Variants in ASB15 observed in about 807,000 individuals in gnomAD.
The protein encoded by ASB15 is ankyrin repeat and SOCS box protein 15.
ASB15 carries 54 observed loss-of-function variants against 58.0 expected under a neutral mutation model. That is an observed-to-expected ratio of 0.93 (90% CI 0.75 to 1.17). The LOEUF (loss-of-function observed/expected upper bound fraction) is 1.17, where lower values mean the gene tolerates loss of function less well. Ranked by LOEUF, ASB15 falls within the 50% of genes most tolerant of loss-of-function variation. ASB15 has a pLI of 0.00. For missense variants in ASB15, 680 were observed against 707.4 expected (o/e 0.96, Z 0.44); for synonymous variants, 249 against 262.4 (o/e 0.95, Z 0.50).
intron 2 of ASB15, among the ~76,000 whole-genome samples, chr7:123,605,455 A>G (rs1800100675): frequency 6.6e-6 from 1 of 152,214 alleles, no homozygotes; most frequent in African/African-American, 2.4e-5. Context: ...AAGAACTTAA[A>G]GCAGAATTAC....
chr7:123,632,600 T>G (rs1301315473), intron 11 of ASB15, among the ~76,000 whole-genome samples: 1 of 152,012 alleles, frequency 6.6e-6, no homozygotes, highest in African/African-American at 2.4e-5. Flanking sequence ...GACCCACCCT[T>G]CCCCCTGAGT....
intron 2 of ASB15, among the ~76,000 whole-genome samples, chr7:123,605,304 C>A (rs1800090956): frequency 6.6e-6 from 1 of 152,172 alleles, no homozygotes; most frequent in South Asian, 2.1e-4. Flanking sequence ...CCATCTCACA[C>A]ACCAGTCAGA....
At chr7:123,632,415 C>T (rs905798248) in intron 11 of ASB15, among the ~76,000 whole-genome samples, 3 of 152,062 alleles carry the variant, frequency 2.0e-5, no homozygotes, top group Middle Eastern at 3.4e-3. Context: ...CAAATATAAA[C>T]GAAGAAATAG....
intron 7 of ASB15, chr7:123,621,327 C>G (rs1363989164): frequency 6.6e-6 from 1 of 152,158 alleles, no homozygotes; most frequent in African/African-American, 2.4e-5. Context: ...AAGTTAATAT[C>G]CTGGAGGTGC....
intron 2 of ASB15, among the ~76,000 whole-genome samples, chr7:123,607,057 A>G (rs1800180034): frequency 1.3e-5 from 2 of 152,226 alleles, no homozygotes; most frequent in African/African-American, 2.4e-5. Flanking sequence ...TATACCCCCA[A>G]AAAAGATAAA....
rs1343565552 is a variant in ASB15 at position 123,630,096 on chromosome 7, G to A, written c.1571G>A (p.Trp524Ter). ...LKSALEVQRE[W>*]PEIRQILENP... ...TCTGCACTAGAAGTACAGAGAGAAT[G>A]GCCAGAAATCCGCCAAATACTAGGT... Residue 524 changes from tryptophan (W) to a stop codon, truncating the protein, a stop_gained, in exon 11 of 12, where the codon TGG (tryptophan) becomes TAG (stop). Coordinates refer to ENST00000451215, the MANE Select transcript of ASB15 (RefSeq NM_001290258.2). LOFTEE classifies it high-confidence loss of function. The A allele has an allele frequency of 6.3e-7, 1 of 1,594,142 alleles. No individual in the cohort carries two copies. The highest frequency in any genetic ancestry group is 8.6e-7 in the Non-Finnish European group (1 of 1,168,600).
At chr7:123,628,080 G>C (rs1435414802) in intron 9 of ASB15, among the ~76,000 whole-genome samples, 1 of 152,168 alleles carries the variant, frequency 6.6e-6, no homozygotes, top group Non-Finnish European at 1.5e-5. Context: ...TCTCATACAT[G>C]TCTGGCTGGT....
chr7:123,631,599 G>A (rs1305340740), intron 11 of ASB15, among the ~76,000 whole-genome samples: 1 of 152,036 alleles, frequency 6.6e-6, no homozygotes, highest in East Asian at 1.9e-4. Flanking sequence ...AATCGAGCAG[G>A]ACAGAAACAA....
At chr7:123,589,301 T>TTA (rs140586752) in intron 1 of ASB15, among the ~76,000 whole-genome samples, 4 of 147,476 alleles carry the variant, frequency 2.7e-5, no homozygotes, top group African/African-American at 7.4e-5. Context: ...CTTTCATCTC[T>TTA]TTATTATTAT....
chr7:123,576,766 T>C (rs1163305300), intron 1 of ASB15, among the ~76,000 whole-genome samples: 1 of 152,180 alleles, frequency 6.6e-6, no homozygotes, highest in African/African-American at 2.4e-5. Context: ...TTAGAAAGTA[T>C]ATTTTTGTGG....
At chr7:123,623,283 C>A (rs1238432875) in intron 7 of ASB15, 2 of 152,072 alleles carry the variant, frequency 1.3e-5, no homozygotes, top group Non-Finnish European at 2.9e-5. Context: ...TTTGTAGGGG[C>A]AGCACTCATC....
Position 123,613,507 on chromosome 7 carries a change from T to C in ASB15, c.-2-994T>C, listed in dbSNP as rs112631336. ...GAGTAAAATAGTAAATTCATTCTCC[T>C]AATTTGATATTTGGGATAAATAAGC... On this transcript the variant is annotated intron_variant, in intron 3 of 11. Coordinates refer to ENST00000451215, the MANE Select transcript of ASB15 (RefSeq NM_001290258.2). 1.4e-3 allele frequency among the ~76,000 whole-genome samples: 214 copies of C among 152,302 alleles called. 1 individual carries two copies. The highest frequency in any genetic ancestry group is 4.8e-3 in the African/African-American group (199 of 41,574).
At chr7:123,567,693 C>A (rs1490370597) in intron 1 of ASB15, among the ~76,000 whole-genome samples, 1 of 152,074 alleles carries the variant, frequency 6.6e-6, no homozygotes. Flanking sequence ...CTGGGGAGCT[C>A]ATTTCTGAAA....
Position 123,629,257 on chromosome 7 carries a change from C to T in ASB15, c.1263C>T (p.Val421=), listed in dbSNP as rs746692691. ...MHVNDTRFPS[V]IQYALNDEVM... is the part of the protein sequence containing the mutation. The stretch of plus-strand genomic sequence containing the variant: ...TGAATGACACTCGTTTCCCCAGTGT[C>T]ATTCAATATGCTCTAAACGACGAGG... Residue 421 remains valine, a synonymous_variant, in exon 10 of 12, where the codon GTC becomes GTT. Coordinates refer to ENST00000451215, the MANE Select transcript of ASB15 (RefSeq NM_001290258.2). The T allele has an allele frequency of 6.2e-7, 1 of 1,611,468 alleles. No individual in the cohort carries two copies. The highest frequency in any genetic ancestry group is 1.7e-5 in the Admixed American group (1 of 59,986).
intron 11 of ASB15, 102 bp from the exon 12 acceptor site, chr7:123,636,707 T>C: frequency 2.0e-6 from 2 of 1,006,966 alleles, no homozygotes; most frequent in Non-Finnish European, 3.0e-6. Context: ...TGCATACATG[T>C]TTTTGAGAAT....
rs755943388 is a variant in ASB15, at chr7:123,617,747, CT to C, written c.451+17del. ...ACCCCCCTTCTGATTGGTAAATGAC[CT>C]TTTTTTCTAGAACTTTTATAGTTTG... On this transcript the variant is annotated intron_variant, in intron 7 of 11. Coordinates refer to ENST00000451215, the MANE Select transcript of ASB15 (RefSeq NM_001290258.2). 1.0e-4 allele frequency: 160 copies of C among 1,594,912 alleles called. No individual in the cohort carries two copies. In the African/African-American group the frequency reaches 1.7e-3, roughly 17 times the overall value.
At chr7:123,584,308 C>CAAA (rs59126257) in intron 1 of ASB15, among the ~76,000 whole-genome samples, 2 of 99,528 alleles carry the variant, frequency 2.0e-5, no homozygotes, top group African/African-American at 3.9e-5. Context: ...AAGGCCTTGT[C>CAAA]AAAAAAAAAA....
At chr7:123,614,852 G>A (rs1336955569) in intron 4 of ASB15, among the ~76,000 whole-genome samples, 2 of 152,184 alleles carry the variant, frequency 1.3e-5, no homozygotes, top group Non-Finnish European at 2.9e-5. Context: ...GATGAATTTG[G>A]TTGTATAGAA....
Position 123,617,567 on chromosome 7 carries a change from T to G in ASB15, c.293-12T>G, listed in dbSNP as rs1222223374. On this transcript the variant is annotated splice_polypyrimidine_tract_variant and intron_variant, in intron 6 of 11. Coordinates refer to ENST00000451215, the MANE Select transcript of ASB15 (RefSeq NM_001290258.2). ...ATTTTCAACTTTTCAACATAATGCT[T>G]TCATGTCACAGCATCCTATAAGACA... 14 of 1,598,204 alleles carry G rather than the reference T, an allele frequency of 8.8e-6. No individual in the cohort carries two copies. The highest frequency in any genetic ancestry group is 1.2e-5 in the Non-Finnish European group (14 of 1,168,152).
Sources: gnomAD v4.1 joint callset for allele counts (sites outside exome capture counted in the v4.1 genomes callset) on GRCh38, gnomAD v4.1.1 for gene constraint, MANE v1.5 for transcripts, NCBI Gene and HGNC (gene_info 2026-07-23, HGNC 2026-07-21) for gene names.